L3MBTL4: variants seen among roughly 807,000 people sequenced by gnomAD.
L3MBTL4 encodes the protein lethal(3)malignant brain tumor-like protein 4.
Under a neutral mutation model 84.5 loss-of-function variants are expected in L3MBTL4, and 70 were observed. The ratio of observed to expected loss-of-function variants is 0.83; its 90% CI spans 0.68 to 1.01. The LOEUF (loss-of-function observed/expected upper bound fraction) is 1.01. L3MBTL4 is among the 50% of genes least tolerant of loss of function. The pLI is 0.00. For missense variants in L3MBTL4, 715 were observed against 754.8 expected (o/e 0.95, Z 0.62); for synonymous variants, 274 against 259.8 (o/e 1.05, Z -0.52).
chr18:6,102,942 C>A (rs757410729), intron 14 of L3MBTL4, among the ~76,000 whole-genome samples: 1 of 152,046 alleles, frequency 6.6e-6, no homozygotes, highest in Non-Finnish European at 1.5e-5. Flanking sequence ...AAAGAGAGAG[C>A]GAGAGTGTGT....
chr18:6,213,342 G>A lies in L3MBTL4; in HGVS notation c.871-83C>T, dbSNP rs113546319. 2.7e-3 allele frequency: 1,867 copies of A among 691,972 alleles called. 26 individuals are homozygous for A. In the African/African-American group the frequency reaches 0.031, roughly 11 times the overall value. The allele number at this position is 691,972 out of a possible 1,614,324, so 42.9% of individuals were successfully genotyped here. ...TACTAATTTTTTCTAAAATACTACT[G>A]TTTTAGTTTTAATATGCAGATCTTC... On this transcript the variant is annotated intron_variant, in intron 11 of 18. Coordinates refer to ENST00000317931, the MANE Select transcript of L3MBTL4 (RefSeq NM_001330559.2).
rs1358781916 is a variant in L3MBTL4 at position 6,263,870 on chromosome 18, T to C, written c.219+77A>G. 6 of 978,226 alleles carry C rather than the reference T, an allele frequency of 6.1e-6. No individual in the cohort carries two copies. The South Asian group carries it at 7.8e-5, about 13-fold the overall frequency. 60.6% of individuals were successfully genotyped at this position (978,226 alleles called of 1,614,324 possible). A position where few individuals can be genotyped will look rare whatever the true frequency, so the allele number is the denominator to read the frequency against. ...AATTCAAATAAGTTGATGGGCTATC[T>C]AGGAAAGTCATTTCATTTAAACTAA... On this transcript the variant is annotated intron_variant, in intron 5 of 18. Transcript: ENST00000317931.
intron 5 of L3MBTL4, among the ~76,000 whole-genome samples, chr18:6,258,192 G>C (rs1452313566): frequency 3.3e-5 from 5 of 152,194 alleles, no homozygotes; most frequent in African/African-American, 1.2e-4. Context: ...AAAGCTTCAG[G>C]TGGGAGGAAA....
intron 14 of L3MBTL4, among the ~76,000 whole-genome samples, chr18:6,108,969 A>G (rs1353073189): frequency 6.6e-6 from 1 of 152,186 alleles, no homozygotes; most frequent in African/African-American, 2.4e-5. Flanking sequence ...AGCATCTTCA[A>G]ATATTGGTAT....
At chr18:5,982,216 C>T (rs2053264272) in intron 16 of L3MBTL4, among the ~76,000 whole-genome samples, 2 of 152,266 alleles carry the variant, frequency 1.3e-5, no homozygotes, top group South Asian at 4.1e-4. Context: ...GAGACCTGCA[C>T]TCCTGCTTCC....
At chr18:6,105,133 A>G (rs971728786) in intron 14 of L3MBTL4, among the ~76,000 whole-genome samples, 8 of 149,922 alleles carry the variant, frequency 5.3e-5, no homozygotes, top group Non-Finnish European at 1.0e-4. Context: ...ATTCTAAATT[A>G]TTATTCAAAT....
At chr18:6,088,168 A>G (rs1340006424) in intron 15 of L3MBTL4, among the ~76,000 whole-genome samples, 1 of 152,188 alleles carries the variant, frequency 6.6e-6, no homozygotes, top group African/African-American at 2.4e-5. Flanking sequence ...CCAAAAGGAG[A>G]GAGGGATGCT....
chr18:6,359,980 C>T (rs1034312448), intron 1 of L3MBTL4, among the ~76,000 whole-genome samples: 3 of 152,170 alleles, frequency 2.0e-5, no homozygotes, highest in Non-Finnish European at 2.9e-5. Context: ...AGAAGCACCA[C>T]ATGACATACT....
intron 9 of L3MBTL4, among the ~76,000 whole-genome samples, chr18:6,239,319 C>A (rs971621795): frequency 2.3e-3 from 287 of 127,160 alleles, no homozygotes; most frequent in African/African-American, 8.8e-3. Context: ...CCAGCCTGGG[C>A]GACAGAGCGA....
At chr18:6,182,939 C>T (rs139476198) in intron 12 of L3MBTL4, among the ~76,000 whole-genome samples, 4 of 152,208 alleles carry the variant, frequency 2.6e-5, no homozygotes, top group African/African-American at 7.2e-5. Context: ...ATGCAATGAA[C>T]CAAGAGAAAT....
At chr18:6,265,439 A>T (rs920476430) in intron 4 of L3MBTL4, among the ~76,000 whole-genome samples, 2 of 152,246 alleles carry the variant, frequency 1.3e-5, no homozygotes, top group African/African-American at 4.8e-5. Flanking sequence ...AGTTGATGGT[A>T]AAAATGTACA....
At chr18:6,188,323 T>A (rs2044883362) in intron 12 of L3MBTL4, among the ~76,000 whole-genome samples, 1 of 150,286 alleles carries the variant, frequency 6.7e-6, no homozygotes, top group African/African-American at 2.4e-5. Context: ...TATAATATAA[T>A]TAATATTAAA....
chr18:6,069,331 T>C (rs2057502597), intron 16 of L3MBTL4, among the ~76,000 whole-genome samples: 1 of 152,168 alleles, frequency 6.6e-6, no homozygotes, highest in African/African-American at 2.4e-5. Flanking sequence ...ATGGACTGTG[T>C]TGGATGGCCT....
At chr18:6,232,596 T>C (rs1422769367) in intron 10 of L3MBTL4, among the ~76,000 whole-genome samples, 1 of 152,082 alleles carries the variant, frequency 6.6e-6, no homozygotes, top group Non-Finnish European at 1.5e-5. Flanking sequence ...TATGATTTAT[T>C]GCATATTTTA....
chr18:5,958,353 C>A (rs530812790), intron 18 of L3MBTL4, among the ~76,000 whole-genome samples: 1 of 152,160 alleles, frequency 6.6e-6, no homozygotes, highest in African/African-American at 2.4e-5. Flanking sequence ...GGAGGAAACA[C>A]TTTTTCCCTC....
chr18:6,287,987 G>A (rs567499735), intron 4 of L3MBTL4, among the ~76,000 whole-genome samples: 19 of 152,168 alleles, frequency 1.2e-4, no homozygotes, highest in African/African-American at 2.4e-4. Flanking sequence ...AGGCTACAGT[G>A]AGCTGTAGTC....
At chr18:6,315,021 T>C (rs2051023851) in intron 1 of L3MBTL4, among the ~76,000 whole-genome samples, 1 of 152,156 alleles carries the variant, frequency 6.6e-6, no homozygotes, top group African/African-American at 2.4e-5. Flanking sequence ...GTTTAAACAA[T>C]AAATCATATT....
chr18:6,088,277 G>A (rs2058326970), intron 15 of L3MBTL4, among the ~76,000 whole-genome samples: 1 of 152,208 alleles, frequency 6.6e-6, no homozygotes, highest in African/African-American at 2.4e-5. Flanking sequence ...GCCTCTCAGG[G>A]CTGGCCACCA....
intron 14 of L3MBTL4, 119 bp downstream of exon 14, chr18:6,138,075 G>A (rs2060080318): frequency 1.7e-6 from 1 of 578,024 alleles, no homozygotes; most frequent in Non-Finnish European, 3.1e-6. Flanking sequence ...CAACACAGAG[G>A]TGGGAGTGTC....
Sources: allele counts gnomAD v4.1 joint callset (sites outside exome capture counted in the v4.1 genomes callset), GRCh38; gene constraint gnomAD v4.1.1; transcripts MANE v1.5; gene names NCBI Gene and HGNC (gene_info 2026-07-23, HGNC 2026-07-21).